The following GPC6 variants were observed in gnomAD, a reference collection of about 807,000 sequenced individuals.
The protein encoded by GPC6 is glypican 6.
GPC6 carries 14 observed loss-of-function variants against 55.2 expected under a neutral mutation model. That is an observed-to-expected ratio of 0.25 (90% CI 0.17 to 0.40). GPC6 has a LOEUF of 0.40. Among genes scored for constraint, GPC6 ranks in the 10% least tolerant of loss-of-function variants. The probability of loss-of-function intolerance (pLI) is 1.00; values close to 1 mark genes in which losing one functional copy is unlikely to be tolerated. For missense variants in GPC6, 641 were observed against 708.5 expected (o/e 0.90, Z 1.08); for synonymous variants, 278 against 259.6 (o/e 1.07, Z -0.68).
chr13:93,420,433 G>A (rs1876883697), intron 1 of GPC6, among the ~76,000 whole-genome samples: 1 of 152,100 alleles, frequency 6.6e-6, no homozygotes, highest in South Asian at 2.1e-4. Context: ...AATGGAAAAT[G>A]CAAAAGCCCT....
At chr13:93,589,120 A>G (rs982549220) in intron 2 of GPC6, among the ~76,000 whole-genome samples, 1 of 152,210 alleles carries the variant, frequency 6.6e-6, no homozygotes, top group African/African-American at 2.4e-5. Context: ...AGAAAGTTGG[A>G]AAAAGAGTAC....
rs187443836 is a variant in GPC6, at chr13:94,137,727, A to T, written c.877+109833A>T. Among the ~76,000 whole-genome samples the T allele has an allele frequency of 2.8e-3, 423 of 152,258 alleles. 1 individual carries two copies. The highest frequency in any genetic ancestry group is 4.6e-3 in the Non-Finnish European group (311 of 68,024). On this transcript the variant is annotated intron_variant, in intron 4 of 8. Coordinates refer to ENST00000377047, the MANE Select transcript of GPC6 (RefSeq NM_005708.5). ...ATGAGCCTACCTAAAAACTTCCTTA[A>T]CTTAGAAATGGCTACTTTGGCAAAT...
chr13:93,463,852 C>T (rs1050966333), intron 1 of GPC6, among the ~76,000 whole-genome samples: 3 of 151,864 alleles, frequency 2.0e-5, no homozygotes, highest in East Asian at 3.9e-4. Context: ...ATTTATTTTC[C>T]ACCCTGCTCT....
At chr13:94,310,945 C>A (rs1397125544) in intron 6 of GPC6, among the ~76,000 whole-genome samples, 1 of 152,094 alleles carries the variant, frequency 6.6e-6, no homozygotes, top group African/African-American at 2.4e-5. Context: ...AGCCCTCATG[C>A]ATAAGGTGCT....
intron 4 of GPC6, among the ~76,000 whole-genome samples, chr13:94,279,901 G>T (rs1892323609): frequency 6.6e-6 from 1 of 152,184 alleles, no homozygotes; most frequent in Non-Finnish European, 1.5e-5. Flanking sequence ...ATGTGGCACT[G>T]AGAAGAATGT....
At chr13:93,733,905 T>C (rs1438516647) in intron 2 of GPC6, among the ~76,000 whole-genome samples, 1 of 152,198 alleles carries the variant, frequency 6.6e-6, no homozygotes, top group East Asian at 1.9e-4. Flanking sequence ...TTCTTTGCTC[T>C]TCTTCTTAGT....
intron 3 of GPC6, among the ~76,000 whole-genome samples, chr13:93,887,563 G>C (rs781280930): frequency 5.9e-5 from 9 of 152,064 alleles, no homozygotes; most frequent in Non-Finnish European, 1.3e-4. Flanking sequence ...TATCAGTGCA[G>C]ATAGCTGCAT....
At chr13:93,645,405 T>C (rs919259404) in intron 2 of GPC6, among the ~76,000 whole-genome samples, 7 of 152,114 alleles carry the variant, frequency 4.6e-5, no homozygotes, top group African/African-American at 1.7e-4. Flanking sequence ...GACTTCCAGC[T>C]ATAAAAGGGA....
At chr13:93,778,448 G>T (rs1336322699) in intron 2 of GPC6, among the ~76,000 whole-genome samples, 1 of 152,158 alleles carries the variant, frequency 6.6e-6, no homozygotes, top group East Asian at 1.9e-4. Flanking sequence ...AATAGTTACT[G>T]AGTAGCTATT....
At chr13:93,596,620 TATA>T (rs1167450311) in intron 2 of GPC6, among the ~76,000 whole-genome samples, 1 of 146,954 alleles carries the variant, frequency 6.8e-6, no homozygotes, top group Non-Finnish European at 1.5e-5. Flanking sequence ...AATATATATA[TATA>T]TATATATATA....
At chr13:94,108,457 G>A (rs9589906) in intron 4 of GPC6, among the ~76,000 whole-genome samples, 6,060 of 151,948 alleles carry the variant, frequency 0.04, 432 homozygotes, top group African/African-American at 0.14. Flanking sequence ...CGGGTGCACC[G>A]AAATCTCACA....
intron 4 of GPC6, among the ~76,000 whole-genome samples, chr13:94,165,165 G>A (rs1040742431): frequency 2.7e-5 from 4 of 150,850 alleles, no homozygotes; most frequent in African/African-American, 9.7e-5. Context: ...ATCAGTCAAC[G>A]AGTGGATAAA....
intron 2 of GPC6, among the ~76,000 whole-genome samples, chr13:93,560,197 A>T (rs1458308373): frequency 6.6e-6 from 1 of 152,138 alleles, no homozygotes; most frequent in African/African-American, 2.4e-5. Flanking sequence ...GAAGTTGAGG[A>T]AAGTATTTTA....
At chr13:94,307,102 A>G (rs1171656128) in intron 6 of GPC6, among the ~76,000 whole-genome samples, 1 of 152,148 alleles carries the variant, frequency 6.6e-6, no homozygotes, top group Non-Finnish European at 1.5e-5. Flanking sequence ...ATATTGGTTG[A>G]ATTTGGCCTC....
chr13:93,892,382 T>G (rs1365164028), intron 3 of GPC6, among the ~76,000 whole-genome samples: 1 of 152,180 alleles, frequency 6.6e-6, no homozygotes, highest in African/African-American at 2.4e-5. Flanking sequence ...TTTTATGACT[T>G]TTCTAAATAC....
intron 2 of GPC6, among the ~76,000 whole-genome samples, chr13:93,660,211 C>T (rs1880864976): frequency 1.3e-5 from 2 of 151,942 alleles, no homozygotes; most frequent in Non-Finnish European, 2.9e-5. Context: ...TTCTCATTTC[C>T]AAGACAATTT....
At chr13:93,260,848 C>T (rs978492511) in intron 1 of GPC6, among the ~76,000 whole-genome samples, 7 of 152,004 alleles carry the variant, frequency 4.6e-5, no homozygotes, top group Non-Finnish European at 1.0e-4. Context: ...ATAACTCTAG[C>T]AATGTAGTAG....
Position 93,454,833 on chromosome 13 carries a change from A to AGG in GPC6, c.161-90426_161-90425dup, listed in dbSNP as rs368939243. Among the ~76,000 whole-genome samples, 1,368 of 152,286 alleles carry AGG rather than the reference A, an allele frequency of 9.0e-3. 23 individuals are homozygous for AGG. The highest frequency in any genetic ancestry group is 0.031 in the African/African-American group (1,288 of 41,574). ...TCGATGGGAGTGGGCGCCCTGGAGC[A>AGG]GGGGGTGGAGCTGTCGAGGAGGCTT... On this transcript the variant is annotated intron_variant, in intron 1 of 8. Coordinates refer to ENST00000377047, the MANE Select transcript of GPC6 (RefSeq NM_005708.5).
chr13:94,008,065 A>T (rs1882092230), intron 3 of GPC6, among the ~76,000 whole-genome samples: 2 of 152,190 alleles, frequency 1.3e-5, no homozygotes, highest in Non-Finnish European at 2.9e-5. Context: ...TTATAACAGC[A>T]TTCAAGTTCT....
Sources: gnomAD v4.1 joint callset for allele counts (sites outside exome capture counted in the v4.1 genomes callset) on GRCh38, gnomAD v4.1.1 for gene constraint, MANE v1.5 for transcripts, NCBI Gene and HGNC (gene_info 2026-07-23, HGNC 2026-07-21) for gene names.